Variants in BIRC6 observed in about 807,000 individuals in gnomAD.
BIRC6 encodes baculoviral IAP repeat containing 6, also known as dual E2 ubiquitin-conjugating enzyme/E3 ubiquitin-protein ligase BIRC6.
Under a neutral mutation model 503.3 loss-of-function variants are expected in BIRC6, and 98 were observed. That is an observed-to-expected ratio of 0.19 (90% confidence interval 0.17 to 0.23). BIRC6 has a LOEUF of 0.23. Among genes scored for constraint, BIRC6 ranks in the 10% least tolerant of loss-of-function variants. BIRC6 has a pLI of 1.00. For missense variants in BIRC6, 5,360 were observed against 5,806.0 expected (o/e 0.92, Z 2.50); for synonymous variants, 2,240 against 2,078.7 (o/e 1.08, Z -2.11).
chr2:32,359,179 GTA>G (rs1417719708), intron 1 of BIRC6, among the ~76,000 whole-genome samples: 2 of 152,110 alleles, frequency 1.3e-5, no homozygotes, highest in Non-Finnish European at 2.9e-5. Context: ...ACACTTTCTA[GTA>G]TATGTTTCTA....
intron 15 of BIRC6, among the ~76,000 whole-genome samples, chr2:32,438,823 G>C (rs902650113): frequency 1.3e-5 from 2 of 152,138 alleles, no homozygotes; most frequent in African/African-American, 2.4e-5. Context: ...CCCTCCCAAA[G>C]TGCTGGGATT....
intron 21 of BIRC6, among the ~76,000 whole-genome samples, chr2:32,446,738 G>GTTTTTTTTTTTTTTTTTTTTTTTTTTT (rs58232090): frequency 2.9e-5 from 1 of 34,836 alleles, no homozygotes. Flanking sequence ...CCTCTGCGCT[G>GTTTTTTTTTTTTTTTTTTTTTTTTTTT]TTTTTTTTTT....
intron 45 of BIRC6, among the ~76,000 whole-genome samples, chr2:32,495,799 T>G (rs1055951532): frequency 1.3e-5 from 2 of 149,904 alleles, no homozygotes; most frequent in African/African-American, 2.4e-5. Context: ...AGTTTTTTTT[T>G]TTTTTTTTTT....
chr2:32,617,661 T>C (rs1195984430), intron 73 of BIRC6, 64 bp from the exon 74 acceptor site: 4 of 1,489,558 alleles, frequency 2.7e-6, no homozygotes, highest in Non-Finnish European at 3.6e-6. Context: ...ATTCAGTTCC[T>C]GCCTCAAATG....
At position 32,453,813 on chromosome 2, in the gene BIRC6, G is replaced by A. The variant is rs777836731; in HGVS notation, c.4624G>A (p.Gly1542Arg). 6.2e-7 allele frequency: 1 copy of A among 1,612,352 alleles called. No homozygotes were observed. Among genetic ancestry groups the A allele is most frequent in the Non-Finnish European group, 8.5e-7 (1 of 1,179,340 alleles). Reference protein sequence around the residue: ...IDLSDVLSGNGKVSSCTAAEG... With the variant: ...IDLSDVLSGNRKVSSCTAAEG... ...AACTTGTCTTTTGCCATTAGGAAAT[G>A]GAAAGGTCAGTAGTTGCACAGCTGC... Residue 1542 changes from glycine to arginine, a missense_variant, in exon 23 of 74, where the codon GGA becomes AGA. Physicochemically the swap from Gly to Arg is moderately radical, Grantham distance 125. Coordinates refer to ENST00000421745, the MANE Select transcript of BIRC6 (RefSeq NM_016252.4).
At chr2:32,580,864 A>G (rs2060625225) in intron 66 of BIRC6, among the ~76,000 whole-genome samples, 1 of 152,212 alleles carries the variant, frequency 6.6e-6, no homozygotes, top group South Asian at 2.1e-4. Context: ...AATATATTCC[A>G]TGCTCCAGAT....
At chr2:32,481,503 A>C in intron 38 of BIRC6, 50 bp downstream of exon 38, 1 of 1,484,802 alleles carries the variant, frequency 6.7e-7, no homozygotes, top group Non-Finnish European at 9.0e-7. Flanking sequence ...GCAGTGGCTC[A>C]TGCCTGTTAT....
intron 70 of BIRC6, among the ~76,000 whole-genome samples, chr2:32,601,544 G>A (rs2062058954): frequency 6.6e-6 from 1 of 152,080 alleles, no homozygotes; most frequent in Admixed American, 6.5e-5. Context: ...TTGTGCCATT[G>A]CACTCCAGCC....
chr2:32,562,371 G>A lies in BIRC6; in HGVS notation c.13145-12785G>A, dbSNP rs565434738. On this transcript the variant is annotated intron_variant, in intron 65 of 73. Coordinates refer to ENST00000421745, the MANE Select transcript of BIRC6 (RefSeq NM_016252.4). Reference sequence around the variant, plus strand: ...ATAGTACAGAGTTCCCATATATGCAGTTCCTACTCACAGTTTACTTATTCA... The same window carrying A: ...ATAGTACAGAGTTCCCATATATGCAATTCCTACTCACAGTTTACTTATTCA... 2.3e-3 allele frequency among the ~76,000 whole-genome samples: 345 copies of A among 152,286 alleles called. 1 individual carries two copies. Among genetic ancestry groups the A allele is most frequent in the South Asian group, 6.2e-3 (30 of 4,814 alleles).
chr2:32,449,135 T>G (rs1371421563), intron 22 of BIRC6: 1 of 460,748 alleles, frequency 2.2e-6, no homozygotes. Context: ...TAAAGTCATA[T>G]TTGAAAGGGT....
chr2:32,578,996 A>ATATAT (rs1553517247), intron 66 of BIRC6, among the ~76,000 whole-genome samples: 48 of 48,568 alleles, frequency 9.9e-4, no homozygotes, highest in African/African-American at 4.3e-3. Flanking sequence ...ATATACACTT[A>ATATAT]ATATATATAT....
At chr2:32,510,332 G>C (rs1175513875) in intron 52 of BIRC6, among the ~76,000 whole-genome samples, 194 bp from the exon 53 acceptor site, 1 of 152,190 alleles carries the variant, frequency 6.6e-6, no homozygotes, top group Non-Finnish European at 1.5e-5. Flanking sequence ...ACCCACCTTG[G>C]CCTCCCAGAG....
chr2:32,465,249 A>AT (rs11353879), intron 26 of BIRC6, 85 bp downstream of exon 26: 14,172 of 271,068 alleles, frequency 0.052, 16 homozygotes, highest in South Asian at 0.058. Context: ...CTTCAGTTCG[A>AT]TTTTTTTTTT....
At chr2:32,376,997 A>G (rs962113077) in intron 1 of BIRC6, among the ~76,000 whole-genome samples, 1 of 152,178 alleles carries the variant, frequency 6.6e-6, no homozygotes, top group Non-Finnish European at 1.5e-5. Flanking sequence ...TGCTGTATCT[A>G]ATAACTGTCC....
chr2:32,596,291 C>T (rs1214342472), intron 68 of BIRC6, among the ~76,000 whole-genome samples: 2 of 151,734 alleles, frequency 1.3e-5, no homozygotes, highest in East Asian at 1.9e-4. Context: ...ACCAGCATGG[C>T]CAACATGGTG....
At chr2:32,574,400 G>A (rs770278928) in intron 65 of BIRC6, among the ~76,000 whole-genome samples, 25 of 152,046 alleles carry the variant, frequency 1.6e-4, no homozygotes, top group Middle Eastern at 6.8e-3. Context: ...TTATGGGCGC[G>A]AATCACAGTG....
intron 10 of BIRC6, among the ~76,000 whole-genome samples, chr2:32,426,599 G>A (rs1475226216): frequency 2.0e-5 from 3 of 152,152 alleles, no homozygotes; most frequent in Admixed American, 6.5e-5. Context: ...GCGAGACTCC[G>A]TCTCAAAACA....
chr2:32,597,611 A>G, intron 68 of BIRC6, 140 bp from the exon 69 acceptor site: 1 of 649,500 alleles, frequency 1.5e-6, no homozygotes, highest in Non-Finnish European at 2.7e-6. Context: ...GGTGTTATGT[A>G]AACATTTACA....
intron 46 of BIRC6, among the ~76,000 whole-genome samples, chr2:32,500,567 G>A (rs1039299323): frequency 2.0e-5 from 3 of 150,302 alleles, no homozygotes; most frequent in African/African-American, 7.4e-5. Context: ...ACAGGCGTGT[G>A]TGCCACCATG....
Sources: gnomAD v4.1 joint callset for allele counts (sites outside exome capture counted in the v4.1 genomes callset) on GRCh38, gnomAD v4.1.1 for gene constraint, MANE v1.5 for transcripts, NCBI Gene and HGNC (gene_info 2026-07-23, HGNC 2026-07-21) for gene names.